Variants in CPS1 observed in about 807,000 individuals in gnomAD.
CPS1 encodes carbamoyl-phosphate synthase 1, also known as carbamoyl-phosphate synthase [ammonia], mitochondrial.
Under a neutral mutation model 174.6 loss-of-function variants are expected in CPS1, and 109 were observed. That is an observed-to-expected ratio of 0.62 (90% CI 0.53 to 0.73). The LOEUF (loss-of-function observed/expected upper bound fraction) is 0.73. Ranked by LOEUF, CPS1 falls within the 30% of genes least tolerant of loss-of-function variation. The probability of loss-of-function intolerance (pLI) is 0.00; values close to 1 mark genes in which losing one functional copy is unlikely to be tolerated. For missense variants in CPS1, 1,689 were observed against 1,821.9 expected (o/e 0.93, Z 1.33); for synonymous variants, 637 against 632.0 (o/e 1.01, Z -0.12).
intron 28 of CPS1, among the ~76,000 whole-genome samples, chr2:210,650,978 A>T (rs1200086890): frequency 6.6e-6 from 1 of 152,098 alleles, no homozygotes; most frequent in Non-Finnish European, 1.5e-5. Context: ...AGCATTTCTT[A>T]TTTTGTGGCA....
chr2:210,648,405 T>C (rs1465600611), intron 26 of CPS1, 68 bp from the exon 27 acceptor site: 3 of 1,327,954 alleles, frequency 2.3e-6, no homozygotes, highest in African/African-American at 2.9e-5. Flanking sequence ...GAGCTAATGA[T>C]ACATTCTGTA....
At chr2:210,505,285 GC>G (rs1695247232) in intron 1 of CPS1, among the ~76,000 whole-genome samples, 1 of 151,374 alleles carries the variant, frequency 6.6e-6, no homozygotes, top group Non-Finnish European at 1.5e-5. Context: ...GAAAGTAGTG[GC>G]CAAAACTGCA....
chr2:210,623,042 AT>A (rs1326787545), intron 21 of CPS1, among the ~76,000 whole-genome samples: 3 of 152,170 alleles, frequency 2.0e-5, no homozygotes, highest in East Asian at 3.9e-4. Context: ...CTTAAAGAAG[AT>A]GGCCAGCCTC....
At chr2:210,656,446 G>A in intron 29 of CPS1, 79 bp from the exon 30 acceptor site, 1 of 961,586 alleles carries the variant, frequency 1.0e-6, no homozygotes, top group Admixed American at 1.8e-5. Context: ...AGGACCAAAG[G>A]GGAGGATGAG....
At chr2:210,489,783 G>A (rs1256706576) in intron 1 of CPS1, among the ~76,000 whole-genome samples, 5 of 152,080 alleles carry the variant, frequency 3.3e-5, no homozygotes, top group African/African-American at 1.2e-4. Flanking sequence ...CAGATCACGA[G>A]GTCAGGAGAT....
At chr2:210,535,819 G>GTTTTTTTTTTTTTTTTTTTTTTTTTTTTT (rs67369344) in intron 1 of CPS1, among the ~76,000 whole-genome samples, 1 of 118,212 alleles carries the variant, frequency 8.5e-6, no homozygotes. Context: ...CTTTTTCCTT[G>GTTTTTTTTTTTTTTTTTTTTTTTTTTTTT]TTTTTTTTTT....
intron 1 of CPS1, among the ~76,000 whole-genome samples, chr2:210,503,027 C>T (rs1695188341): frequency 6.6e-6 from 1 of 152,162 alleles, no homozygotes; most frequent in Non-Finnish European, 1.5e-5. Flanking sequence ...GTATATGGTT[C>T]TCTTGTGCAG....
intron 34 of CPS1, chr2:210,673,288 C>G (rs967643534): frequency 2.0e-5 from 3 of 152,214 alleles, no homozygotes; most frequent in Admixed American, 1.3e-4. Context: ...AAGTCAAGGT[C>G]AGGGTTTGAT....
Position 210,590,824 on chromosome 2 carries a change from C to A in CPS1, c.865C>A (p.Pro289Thr), listed in dbSNP as rs146733657. ...GATTTTGGAGAGTGATCGCAAGGAGCCATTGTTTGGAATCAGTACAGGAAA... is the reference window on the plus strand; with the variant it reads ...GATTTTGGAGAGTGATCGCAAGGAGACATTGTTTGGAATCAGTACAGGAAA... ...RKILESDRKE[P>T]LFGISTGNLI... The change falls in exon 9 of 38, where the codon CCA becomes ACA. Residue 289 changes from proline to threonine, a missense_variant. Pro to Thr is a conservative substitution (Grantham distance 38). Transcript: ENST00000233072. 1.2e-6 allele frequency: 2 copies of A among 1,610,554 alleles called. No individual in the cohort carries two copies. The highest frequency in any genetic ancestry group is 1.3e-5 in the African/African-American group (1 of 74,662).
intron 1 of CPS1, among the ~76,000 whole-genome samples, chr2:210,533,769 A>G (rs115995435): frequency 0.017 from 2,620 of 152,248 alleles, 84 homozygotes; most frequent in African/African-American, 0.06. Flanking sequence ...GATGATCCCT[A>G]CAGCTGTTTC....
chr2:210,616,319 G>T, intron 20 of CPS1, 104 bp from the exon 21 acceptor site: 1 of 793,366 alleles, frequency 1.3e-6, no homozygotes. Flanking sequence ...ACAGTCTCGG[G>T]CTCTCTAAAT....
At chr2:210,509,337 A>T (rs1695385407) in intron 1 of CPS1, among the ~76,000 whole-genome samples, 1 of 152,250 alleles carries the variant, frequency 6.6e-6, no homozygotes, top group South Asian at 2.1e-4. Flanking sequence ...ACAGCACTTC[A>T]TGCTAAAAAC....
intron 28 of CPS1, among the ~76,000 whole-genome samples, chr2:210,651,221 G>T (rs1700549149): frequency 6.6e-6 from 1 of 152,162 alleles, no homozygotes; most frequent in East Asian, 1.9e-4. Flanking sequence ...GAGGGAGGAA[G>T]AGTGAAATCA....
chr2:210,605,089 CACCAA>C lies in CPS1; in HGVS notation c.1837-12_1837-8del. 1 of 1,611,338 alleles carries C rather than the reference CACCAA, an allele frequency of 6.2e-7. No homozygotes were observed. The highest frequency in any genetic ancestry group is 8.5e-7 in the Non-Finnish European group (1 of 1,178,296). ...TTTCTTACTCTTTGATATCTTTTGTCACCAATTTCTAGGCCTTTGCTATGACCAAC... is the reference window on the plus strand; with the variant it reads ...TTTCTTACTCTTTGATATCTTTTGTCTTTCTAGGCCTTTGCTATGACCAAC... On this transcript the variant is annotated splice_region_variant and splice_polypyrimidine_tract_variant and intron_variant, in intron 16 of 37. Transcript: ENST00000233072.
At position 210,582,669 on chromosome 2, in the gene CPS1, A is replaced by C. The variant is rs200271955; in HGVS notation, c.581A>C (p.Asp194Ala). 3 of 1,613,400 alleles carry C rather than the reference A, an allele frequency of 1.9e-6. No individual in the cohort carries two copies. The East Asian group carries it at 6.7e-5, about 36-fold the overall frequency. The change falls in exon 6 of 38, where the codon GAT becomes GCT. Residue 194 changes from aspartate to alanine, a missense_variant. Transcript: ENST00000233072. ...EFEGQPVDFV[D>A]PNKQNLIAEV... The stretch of plus-strand genomic sequence containing the variant: ...GAAGGTCAGCCTGTGGATTTTGTGG[A>C]TCCAAATAAACAGAATTTGATTGCT...
intron 1 of CPS1, among the ~76,000 whole-genome samples, chr2:210,500,622 A>G (rs1183700621): frequency 6.6e-6 from 1 of 152,234 alleles, no homozygotes; most frequent in Non-Finnish European, 1.5e-5. Flanking sequence ...TCTCATATCC[A>G]GGTCACACTG....
At position 210,616,494 on chromosome 2, in the gene CPS1, G is replaced by A. The variant is rs749732917; in HGVS notation, c.2640G>A (p.Lys880=). ...ACATTGACAAGTGGTTTTTGTATAA[G>A]ATGCGTGATATTTTAAACATGGAAA... ...LTYIDKWFLY[K]MRDILNMEKT... is the part of the protein sequence containing the mutation. Residue 880 remains lysine, a synonymous_variant, in exon 21 of 38, where the codon AAG becomes AAA. Coordinates refer to ENST00000233072, the MANE Select transcript of CPS1 (RefSeq NM_001875.5). 3.7e-6 allele frequency: 6 copies of A among 1,612,154 alleles called. No homozygotes were observed. Among genetic ancestry groups the A allele is most frequent in the Non-Finnish European group, 3.4e-6 (4 of 1,178,608 alleles).
intron 1 of CPS1, among the ~76,000 whole-genome samples, chr2:210,510,425 C>T (rs1001537024): frequency 6.6e-6 from 1 of 152,228 alleles, no homozygotes; most frequent in Non-Finnish European, 1.5e-5. Flanking sequence ...CATAAAAACC[C>T]TAGAAGAAAA....
chr2:210,525,179 G>A (rs929353553), intron 1 of CPS1, among the ~76,000 whole-genome samples: 6 of 151,836 alleles, frequency 4.0e-5, no homozygotes, highest in Non-Finnish European at 8.8e-5. Context: ...TGGTATGGCT[G>A]GGTATCCCTG....
Sources: gnomAD v4.1 joint callset for allele counts (sites outside exome capture counted in the v4.1 genomes callset) on GRCh38, gnomAD v4.1.1 for gene constraint, MANE v1.5 for transcripts, NCBI Gene and HGNC (gene_info 2026-07-23, HGNC 2026-07-21) for gene names.